RBM12: variants seen among roughly 807,000 people sequenced by gnomAD.
RBM12 encodes the protein RNA-binding protein 12.
RBM12 carries 24 observed loss-of-function variants against 37.2 expected under a neutral mutation model. The observed-to-expected ratio is 0.65, with a 90% CI of 0.47 to 0.91. The LOEUF (loss-of-function observed/expected upper bound fraction) is 0.91, where lower values mean the gene tolerates loss of function less well. RBM12 is among the 40% of genes least tolerant of loss of function. The pLI is 0.00. For synonymous variants in RBM12, 420 were observed against 425.2 expected (o/e 0.99, Z 0.15); for missense variants, 1,061 against 1,183.2 (o/e 0.90, Z 1.52).
intron 2 of RBM12, among the ~76,000 whole-genome samples, chr20:35,658,190 T>A (rs1340321700): frequency 6.6e-6 from 1 of 152,250 alleles, no homozygotes; most frequent in East Asian, 1.9e-4. Context: ...ACAAGAGGGT[T>A]AGATTCCACT....
intron 1 of RBM12, 21 bp downstream of exon 1, chr20:35,664,739 C>G (rs1203996931): frequency 6.6e-6 from 1 of 152,314 alleles, no homozygotes; most frequent in Non-Finnish European, 1.5e-5. Context: ...CCCACCCGTT[C>G]AGGGGCTGCG....
intron 2 of RBM12, among the ~76,000 whole-genome samples, chr20:35,658,709 G>A (rs1425665551): frequency 6.6e-6 from 1 of 151,978 alleles, no homozygotes; most frequent in Non-Finnish European, 1.5e-5. Flanking sequence ...GCAGTGAGCC[G>A]AGATGGCACC....
At position 35,652,405 on chromosome 20, in the gene RBM12, C is replaced by A. The variant is rs997849006; in HGVS notation, c.*119G>T. 3 of 1,223,600 alleles carry A rather than the reference C, an allele frequency of 2.5e-6. No homozygotes were observed. Among genetic ancestry groups the A allele is most frequent in the African/African-American group, 3.0e-5 (2 of 65,792 alleles). The allele number at this position is 1,223,600 out of a possible 1,614,324, so 75.8% of individuals were successfully genotyped here. A position where few individuals can be genotyped will look rare whatever the true frequency, so the allele number is the denominator to read the frequency against. ...CAACCAATGCTCTATGTTATGGAAA[C>A]CAAGCTATATGCAATTGAAACAATC... is the stretch of plus-strand genomic sequence containing the variant. On this transcript the variant is annotated 3_prime_UTR_variant, in exon 3 of 3. Transcript: ENST00000374114.
chr20:35,661,150 T>C (rs2034212022), intron 1 of RBM12, among the ~76,000 whole-genome samples: 2 of 152,198 alleles, frequency 1.3e-5, no homozygotes, highest in Non-Finnish European at 2.9e-5. Context: ...ATGCAGAAAG[T>C]TGATGCTACA....
At position 35,655,267 on chromosome 20, in the gene RBM12, A is replaced by G. The variant is rs749426991; in HGVS notation, c.56T>C (p.Ile19Thr). The change falls in exon 3 of 3, where the codon ATT becomes ACT. Residue 19 changes from isoleucine (I) to threonine (T), a missense_variant. This residue lies in a region of RBM12 where 540 missense variants were observed against 632.7 expected (regional missense o/e 0.85). Coordinates refer to ENST00000374114, the MANE Select transcript of RBM12 (RefSeq NM_006047.6). Reference sequence around the variant, plus strand: ...GGTCAATCCAGAGAAGAAGTGGCGAATGTCCATGGTCCCCGCCACAATTGG... The same window carrying G: ...GGTCAATCCAGAGAAGAAGTGGCGAGTGTCCATGGTCCCCGCCACAATTGG... ...GLPIVAGTMD[I>T]RHFFSGLTIP... 1 of 1,612,368 alleles carries G rather than the reference A, an allele frequency of 6.2e-7. No homozygotes were observed.
chr20:35,659,100 A>G (rs189453763), intron 1 of RBM12, 86 bp from the exon 2 acceptor site: 2 of 539,662 alleles, frequency 3.7e-6, no homozygotes, highest in East Asian at 6.7e-5. Flanking sequence ...TACGAAGGCG[A>G]GTCTGAAACC....
rs2033402189 is a variant in RBM12, at chr20:35,650,184, G to A, written c.*2340C>T. 1 of 152,510 alleles carries A rather than the reference G, an allele frequency of 6.6e-6. No individual in the cohort carries two copies. The highest frequency in any genetic ancestry group is 6.5e-5 in the Admixed American group (1 of 15,292). The allele number at this position is 152,510 out of a possible 1,614,324, so 9.4% of individuals were successfully genotyped here. On this transcript the variant is annotated 3_prime_UTR_variant, in exon 3 of 3. Transcript: ENST00000374114. ...AGCATTTAATTACAGTCCACAACGAGCACTGTTGTGATTCATATAAAACAT... is the reference window on the plus strand; with the variant it reads ...AGCATTTAATTACAGTCCACAACGAACACTGTTGTGATTCATATAAAACAT...
In RBM12 at chr20:35,648,942, A is replaced by G. The variant is rs1002511816; in HGVS notation, c.*3582T>C. The G allele has an allele frequency of 6.5e-5, 10 of 152,804 alleles. No individual in the cohort carries two copies. The highest frequency in any genetic ancestry group is 2.2e-4 in the African/African-American group (9 of 41,590). 9.5% of individuals were successfully genotyped at this position (152,804 alleles called of 1,614,324 possible). A position where few individuals can be genotyped will look rare whatever the true frequency, so the allele number is the denominator to read the frequency against. Reference sequence around the variant, plus strand: ...TACTTTTGTGCAGTTAAAGCATTAAAAGCATCAGCCTGTTTTATTTTTTGA... The same window carrying G: ...TACTTTTGTGCAGTTAAAGCATTAAGAGCATCAGCCTGTTTTATTTTTTGA... On this transcript the variant is annotated 3_prime_UTR_variant, in exon 3 of 3. Coordinates refer to ENST00000374114, the MANE Select transcript of RBM12 (RefSeq NM_006047.6).
Position 35,650,886 on chromosome 20 carries a change from G to T in RBM12, c.*1638C>A, listed in dbSNP as rs2033461166. 3 of 152,550 alleles carry T rather than the reference G, an allele frequency of 2.0e-5. No individual in the cohort carries two copies. Among genetic ancestry groups the T allele is most frequent in the African/African-American group, 7.2e-5 (3 of 41,426 alleles). 9.4% of individuals were successfully genotyped at this position (152,550 alleles called of 1,614,324 possible). A position where few individuals can be genotyped will look rare whatever the true frequency, so the allele number is the denominator to read the frequency against. ...CTTATTTTAAAAGACTGACCCCTTT[G>T]TAACTACGCTGATTTGTAGGAAATG... On this transcript the variant is annotated 3_prime_UTR_variant, in exon 3 of 3. Transcript: ENST00000374114.
chr20:35,658,893 T>A (rs541855277), intron 2 of RBM12, 37 bp downstream of exon 2: 1 of 710,212 alleles, frequency 1.4e-6, no homozygotes, highest in Non-Finnish European at 2.6e-6. Context: ...TCATTTTATT[T>A]TGTATAAAAA....
chr20:35,654,119 G>A lies in RBM12; in HGVS notation c.1204C>T (p.His402Tyr). The A allele has an allele frequency of 1.1e-5, 17 of 1,614,204 alleles. No homozygotes were observed. Among genetic ancestry groups the A allele is most frequent in the Non-Finnish European group, 1.4e-5 (16 of 1,180,038 alleles). Residue 402 changes from histidine (H) to tyrosine (Y), a missense_variant, in exon 3 of 3, where the codon CAT (histidine) becomes TAT (tyrosine). His to Tyr is a moderately conservative substitution (Grantham distance 83, BLOSUM62 2). Coordinates refer to ENST00000374114, the MANE Select transcript of RBM12 (RefSeq NM_006047.6). ...KQNMGPSGQT[H>Y]PPPQTLPRSK... Reference sequence around the variant, plus strand: ...CTGGGAAGTGTCTGAGGAGGGGGATGAGTTTGTCCAGAAGGTCCCATATTT... The same window carrying A: ...CTGGGAAGTGTCTGAGGAGGGGGATAAGTTTGTCCAGAAGGTCCCATATTT...
rs765919593 is a variant in RBM12 at position 35,652,683 on chromosome 20, T to C, written c.2640A>G (p.Gln880=). 4 of 1,614,212 alleles carry C rather than the reference T, an allele frequency of 2.5e-6. No homozygotes were observed. The highest frequency in any genetic ancestry group is 1.7e-5 in the Admixed American group (1 of 60,026). ...DEILDFFYGY[Q]VIPGSVCLKY... ...TTAAACACACTGAGCCTGGGATTAC[T>C]TGATAGCCATAAAAGAAATCTAAAA... The change falls in exon 3 of 3, where the codon CAA becomes CAG. Residue 880 remains glutamine (Q), a synonymous_variant. Coordinates refer to ENST00000374114, the MANE Select transcript of RBM12 (RefSeq NM_006047.6).
At position 35,654,445 on chromosome 20, in the gene RBM12, C is replaced by T. The variant is rs955466975; in HGVS notation, c.878G>A (p.Ser293Asn). The change falls in exon 3 of 3, where the codon AGT (serine) becomes AAT (asparagine). Residue 293 changes from serine (S) to asparagine (N), a missense_variant. Physicochemically the swap from Ser to Asn is conservative, Grantham distance 46 (BLOSUM62 1). This residue lies in a region of RBM12 where 540 missense variants were observed against 632.7 expected (regional missense o/e 0.85). Coordinates refer to ENST00000374114, the MANE Select transcript of RBM12 (RefSeq NM_006047.6). ...AGGGTTGATGGGGAGTGGCTTCACA[C>T]TGCTCTGAGAGTTCATCTGGATAGG... The part of the protein sequence containing the change: ...VNPIQMNSQS[S>N]VKPLPINPDD... The T allele has an allele frequency of 1.9e-6, 3 of 1,614,094 alleles. No individual in the cohort carries two copies. Among genetic ancestry groups the T allele is most frequent in the African/African-American group, 2.7e-5 (2 of 74,930 alleles).
rs2033744607 is a variant in RBM12, at chr20:35,654,229, A to G, written c.1094T>C (p.Met365Thr). The change falls in exon 3 of 3, where the codon ATG (methionine) becomes ACG (threonine). Residue 365 changes from methionine (M) to threonine (T), a missense_variant. Coordinates refer to ENST00000374114, the MANE Select transcript of RBM12 (RefSeq NM_006047.6). ...DTFEALKRNR[M>T]LMIQRYVEVS... Reference sequence around the variant, plus strand: ...TTCCACATAGCGTTGAATCATCAGCATTCTGTTTCGTTTCAAAGCTTCAAA... The same window carrying G: ...TTCCACATAGCGTTGAATCATCAGCGTTCTGTTTCGTTTCAAAGCTTCAAA... 1.2e-6 allele frequency: 2 copies of G among 1,614,238 alleles called. No homozygotes were observed. The highest frequency in any genetic ancestry group is 1.7e-6 in the Non-Finnish European group (2 of 1,180,038).
intron 2 of RBM12, among the ~76,000 whole-genome samples, chr20:35,658,691 C>G (rs911305316): frequency 6.6e-6 from 1 of 151,884 alleles, no homozygotes; most frequent in African/African-American, 2.4e-5. Flanking sequence ...ACCCGGGAGG[C>G]GGAGGTTGCA....
chr20:35,664,877 A>G lies in RBM12; in HGVS notation c.-225T>C, dbSNP rs886092990. On this transcript the variant is annotated 5_prime_UTR_variant, in exon 1 of 3. Coordinates refer to ENST00000374114, the MANE Select transcript of RBM12 (RefSeq NM_006047.6). Reference sequence around the variant, plus strand: ...CTTCCCGGAGCCCAACGCAGCCACCACCTCCTTCGCCGCTTCACAAAATGG... The same window carrying G: ...CTTCCCGGAGCCCAACGCAGCCACCGCCTCCTTCGCCGCTTCACAAAATGG... 2.0e-5 allele frequency: 3 copies of G among 152,020 alleles called. No homozygotes were observed. The highest frequency in any genetic ancestry group is 2.0e-4 in the Admixed American group (3 of 15,256). The allele number at this position is 152,020 out of a possible 1,614,324, so 9.4% of individuals were successfully genotyped here. A position where few individuals can be genotyped will look rare whatever the true frequency, so the allele number is the denominator to read the frequency against.
At chr20:35,659,419 G>A (rs193057717) in intron 1 of RBM12, among the ~76,000 whole-genome samples, 9 of 152,124 alleles carry the variant, frequency 5.9e-5, no homozygotes, top group Non-Finnish European at 1.0e-4. Context: ...GCACAAGTTC[G>A]CACAATAACA....
intron 1 of RBM12, among the ~76,000 whole-genome samples, chr20:35,659,785 T>A (rs2034127220): frequency 6.6e-6 from 1 of 152,248 alleles, no homozygotes; most frequent in Non-Finnish European, 1.5e-5. Context: ...GGTGAGGTTA[T>A]TAACAAGTCA....
rs1403649548 is a variant in RBM12 at position 35,649,538 on chromosome 20, A to G, written c.*2986T>C. 1 of 152,666 alleles carries G rather than the reference A, an allele frequency of 6.6e-6. No homozygotes were observed. The highest frequency in any genetic ancestry group is 2.4e-5 in the African/African-American group (1 of 41,452). 9.5% of individuals were successfully genotyped at this position (152,666 alleles called of 1,614,324 possible). On this transcript the variant is annotated 3_prime_UTR_variant, in exon 3 of 3. Transcript: ENST00000374114. Reference sequence around the variant, plus strand: ...GATGCTTTGACAACTTGGAGTACAAAGCTAGGAACTACATTTCACTTAACA... The same window carrying G: ...GATGCTTTGACAACTTGGAGTACAAGGCTAGGAACTACATTTCACTTAACA...
Sources: gnomAD v4.1 joint callset for allele counts (sites outside exome capture counted in the v4.1 genomes callset) on GRCh38, gnomAD v4.1.1 for gene constraint, gnomAD v4.1.1 regional missense constraint, MANE v1.5 for transcripts, NCBI Gene and HGNC (gene_info 2026-07-23, HGNC 2026-07-21) for gene names.